NPAS3: variants seen among roughly 807,000 people sequenced by gnomAD.
NPAS3 encodes the protein neuronal PAS domain-containing protein 3.
NPAS3 carries 14 observed loss-of-function variants against 73.1 expected under a neutral mutation model. The observed-to-expected ratio is 0.19, with a 90% confidence interval of 0.13 to 0.30. NPAS3 has a LOEUF of 0.30. Ranked by LOEUF, NPAS3 falls within the 10% of genes least tolerant of loss-of-function variation. The probability of loss-of-function intolerance (pLI) is 1.00; values close to 1 mark genes in which losing one functional copy is unlikely to be tolerated. For missense variants in NPAS3, 1,096 were observed against 1,250.0 expected (o/e 0.88, Z 1.86); for synonymous variants, 620 against 541.5 (o/e 1.14, Z -2.01).
chr14:33,035,152 A>G (rs923692660), intron 1 of NPAS3, among the ~76,000 whole-genome samples: 1 of 152,202 alleles, frequency 6.6e-6, no homozygotes, highest in African/African-American at 2.4e-5. Context: ...TGAATTTTGC[A>G]TATAAATTAA....
chr14:33,296,238 T>A (rs1368763926), intron 3 of NPAS3, among the ~76,000 whole-genome samples: 1 of 152,224 alleles, frequency 6.6e-6, no homozygotes. Flanking sequence ...AGATACTTTT[T>A]TTTCCATTGA....
chr14:33,232,809 T>C (rs2047899168), intron 3 of NPAS3, among the ~76,000 whole-genome samples: 1 of 152,198 alleles, frequency 6.6e-6, no homozygotes, highest in Admixed American at 6.5e-5. Flanking sequence ...TTTTAAATAA[T>C]GATTAAGCAA....
At chr14:33,609,925 A>G (rs2057698796) in intron 5 of NPAS3, among the ~76,000 whole-genome samples, 1 of 152,212 alleles carries the variant, frequency 6.6e-6, no homozygotes, top group East Asian at 1.9e-4. Context: ...TAAATTGTTC[A>G]TTTGTTTATT....
At chr14:33,350,526 C>A (rs554882162) in intron 3 of NPAS3, among the ~76,000 whole-genome samples, 4 of 152,118 alleles carry the variant, frequency 2.6e-5, no homozygotes, top group African/African-American at 9.6e-5. Context: ...AAAGTAGGAC[C>A]CCCCTCTGGG....
intron 1 of NPAS3, among the ~76,000 whole-genome samples, chr14:32,945,280 G>A (rs2383412): frequency 0.41 from 62,246 of 151,900 alleles, 13,418 homozygotes; most frequent in Middle Eastern, 0.53. Flanking sequence ...AAAAGATACT[G>A]TATAAATTGA....
At chr14:33,268,329 A>C (rs80003471) in intron 3 of NPAS3, among the ~76,000 whole-genome samples, 4,327 of 152,198 alleles carry the variant, frequency 0.028, 137 homozygotes, top group East Asian at 0.14. Flanking sequence ...CTTCCTGTAT[A>C]AATTTACGAG....
rs11848801 is a variant in NPAS3 at position 32,955,388 on chromosome 14, G to A, written c.50+16022G>A. ...GACTACTTATGTAACTTACATAAAC[G>A]TCAGTCCAATATGTTTGGAGATCAT... On this transcript the variant is annotated intron_variant, in intron 1 of 11. Coordinates refer to ENST00000356141, the Ensembl canonical transcript of NPAS3. Among the ~76,000 whole-genome samples, 309 of 152,144 alleles carry A rather than the reference G, an allele frequency of 2.0e-3. 1 individual carries two copies. The highest frequency in any genetic ancestry group is 7.2e-3 in the African/African-American group (301 of 41,536).
chr14:32,968,335 T>C (rs964806535), intron 1 of NPAS3, among the ~76,000 whole-genome samples: 1 of 152,224 alleles, frequency 6.6e-6, no homozygotes, highest in African/African-American at 2.4e-5. Context: ...GAAATCACAC[T>C]ATACCTTATA....
intron 3 of NPAS3, among the ~76,000 whole-genome samples, chr14:33,349,640 A>G (rs1333416328): frequency 6.6e-6 from 1 of 152,106 alleles, no homozygotes; most frequent in East Asian, 1.9e-4. Flanking sequence ...CTGACTGGCT[A>G]CTTTGTTCCT....
At chr14:33,577,306 T>C (rs1595192373) in intron 5 of NPAS3, among the ~76,000 whole-genome samples, 2 of 152,128 alleles carry the variant, frequency 1.3e-5, no homozygotes, top group Non-Finnish European at 2.9e-5. Flanking sequence ...ATTACCAATA[T>C]GAAAAATCTA....
At chr14:33,086,645 A>G (rs2042034469) in intron 2 of NPAS3, among the ~76,000 whole-genome samples, 1 of 152,218 alleles carries the variant, frequency 6.6e-6, no homozygotes, top group South Asian at 2.1e-4. Context: ...ATTTTGTGCC[A>G]GATACCCTTT....
intron 5 of NPAS3, among the ~76,000 whole-genome samples, chr14:33,597,948 C>G (rs542192970): frequency 6.6e-6 from 1 of 152,018 alleles, no homozygotes; most frequent in Non-Finnish European, 1.5e-5. Flanking sequence ...AAAAGTATAC[C>G]CATGCTTCCT....
chr14:33,718,880 C>A, intron 6 of NPAS3, among the ~76,000 whole-genome samples: 1 of 152,116 alleles, frequency 6.6e-6, no homozygotes, highest in East Asian at 1.9e-4. Flanking sequence ...AATGACAGCA[C>A]TTTGGGAAGC....
intron 5 of NPAS3, among the ~76,000 whole-genome samples, chr14:33,571,104 A>G (rs2139818997): frequency 6.6e-6 from 1 of 152,242 alleles, no homozygotes; most frequent in South Asian, 2.1e-4. Context: ...GGTGTTTCCT[A>G]TTGTCAGTTT....
intron 2 of NPAS3, among the ~76,000 whole-genome samples, chr14:33,099,944 T>G (rs1224207283): frequency 6.6e-6 from 1 of 152,174 alleles, no homozygotes; most frequent in Admixed American, 6.5e-5. Flanking sequence ...ATGGTTAGAT[T>G]TCTAAAATTT....
chr14:33,021,159 A>G (rs2039583133), intron 1 of NPAS3, among the ~76,000 whole-genome samples: 1 of 152,222 alleles, frequency 6.6e-6, no homozygotes, highest in African/African-American at 2.4e-5. Context: ...GAAGTAGAGG[A>G]TGTTGCTTAT....
chr14:33,478,163 G>T (rs1467997636), intron 4 of NPAS3, among the ~76,000 whole-genome samples: 4 of 152,176 alleles, frequency 2.6e-5, no homozygotes, highest in Non-Finnish European at 5.9e-5. Context: ...TTTTATGGCA[G>T]TGTTACGGTG....
chr14:33,784,750 T>TTTTTTTA (rs2063108682), intron 9 of NPAS3, among the ~76,000 whole-genome samples: 3 of 123,058 alleles, frequency 2.4e-5, no homozygotes, highest in African/African-American at 1.0e-4. Context: ...TATTTATTTT[T>TTTTTTTA]TTTTTTTTTT....
At chr14:33,735,941 G>A (rs940828830) in intron 7 of NPAS3, among the ~76,000 whole-genome samples, 1 of 152,164 alleles carries the variant, frequency 6.6e-6, no homozygotes, top group South Asian at 2.1e-4. Context: ...ATCATTTTAA[G>A]GTTAAGGATA....
Sources: gnomAD v4.1 joint callset for allele counts (sites outside exome capture counted in the v4.1 genomes callset) on GRCh38, gnomAD v4.1.1 for gene constraint, MANE v1.5 for transcripts, NCBI Gene and HGNC (gene_info 2026-07-23, HGNC 2026-07-21) for gene names.